EXOC6: variants seen among roughly 807,000 people sequenced by gnomAD.
EXOC6 encodes the protein exocyst complex component 6, also known as SEC15-like 1.
In EXOC6, 60 loss-of-function variants were observed where a neutral mutation model predicts 112.5. That is an observed-to-expected ratio of 0.53 (90% CI 0.43 to 0.66). EXOC6 has a LOEUF of 0.66. EXOC6 is among the 30% of genes least tolerant of loss of function. The probability of loss-of-function intolerance (pLI) is 0.00; values close to 1 mark genes in which losing one functional copy is unlikely to be tolerated. For synonymous variants in EXOC6, 295 were observed against 308.0 expected (o/e 0.96, Z 0.44); for missense variants, 855 against 957.1 (o/e 0.89, Z 1.41).
chr10:92,892,818 T>A (rs1475825252), intron 1 of EXOC6, among the ~76,000 whole-genome samples: 1 of 152,216 alleles, frequency 6.6e-6, no homozygotes, highest in Non-Finnish European at 1.5e-5. Context: ...GGAGCCGGAC[T>A]ATCAGGAGTC....
intron 18 of EXOC6, among the ~76,000 whole-genome samples, chr10:92,990,690 G>A (rs1372124028): frequency 6.6e-6 from 1 of 152,088 alleles, no homozygotes; most frequent in African/African-American, 2.4e-5. Context: ...GTAAACATGT[G>A]CCATGGTGGT....
At chr10:92,956,832 T>A (rs949417257) in intron 17 of EXOC6, among the ~76,000 whole-genome samples, 4 of 152,162 alleles carry the variant, frequency 2.6e-5, no homozygotes, top group African/African-American at 9.6e-5. Flanking sequence ...AGTTCTTTAA[T>A]GTAAATGATT....
intron 1 of EXOC6, among the ~76,000 whole-genome samples, chr10:92,835,598 G>C (rs117099008): frequency 2.4e-5 from 2 of 81,988 alleles, no homozygotes; most frequent in South Asian, 5.9e-4. Context: ...GTGTGTATCT[G>C]TGTGTGTGTG....
chr10:92,881,393 A>G (rs897179232), intron 1 of EXOC6, among the ~76,000 whole-genome samples: 4 of 152,178 alleles, frequency 2.6e-5, no homozygotes, highest in African/African-American at 7.2e-5. Context: ...AAGATGTGCA[A>G]AGAATTTTGG....
At chr10:92,934,217 T>C (rs1428433511) in intron 10 of EXOC6, 27 bp downstream of exon 10, 7 of 1,516,654 alleles carry the variant, frequency 4.6e-6, no homozygotes, top group Non-Finnish European at 6.2e-6. Flanking sequence ...GAAATAACTA[T>C]TATTAATTTT....
At chr10:92,934,228 A>T in intron 10 of EXOC6, 38 bp downstream of exon 10, 3 of 1,522,902 alleles carry the variant, frequency 2.0e-6, no homozygotes, top group Non-Finnish European at 2.7e-6. Flanking sequence ...TATTAATTTT[A>T]TATTATGTTA....
intron 20 of EXOC6, among the ~76,000 whole-genome samples, chr10:93,016,842 C>T (rs183433282): frequency 6.7e-6 from 1 of 149,568 alleles, no homozygotes; most frequent in East Asian, 2.0e-4. Flanking sequence ...GATGGCGTCT[C>T]GCTCTTGTCA....
At chr10:92,877,353 ACCTGGCTCTGG>A in intron 1 of EXOC6, among the ~76,000 whole-genome samples, 1 of 152,050 alleles carries the variant, frequency 6.6e-6, no homozygotes, top group Middle Eastern at 3.4e-3. Context: ...TGGATTGTCT[ACCTGGCTCTGG>A]CCTTTTAGAA....
intron 18 of EXOC6, among the ~76,000 whole-genome samples, chr10:92,993,271 AG>A (rs1843345771): frequency 6.6e-6 from 1 of 152,148 alleles, no homozygotes; most frequent in Non-Finnish European, 1.5e-5. Flanking sequence ...TAAGTAAAAA[AG>A]TAGTTTATTG....
chr10:93,055,801 G>C (rs1423480113), intron 20 of EXOC6, among the ~76,000 whole-genome samples: 1 of 152,182 alleles, frequency 6.6e-6, no homozygotes, highest in Non-Finnish European at 1.5e-5. Context: ...CCTGTTGCAA[G>C]AAAATCTCTA....
intron 5 of EXOC6, among the ~76,000 whole-genome samples, chr10:92,904,916 T>TA (rs1850361243): frequency 6.6e-6 from 1 of 152,076 alleles, no homozygotes; most frequent in Non-Finnish European, 1.5e-5. Flanking sequence ...TCTAGAGTCT[T>TA]AGAGTTTTGT....
At chr10:92,991,300 G>A (rs1843234589) in intron 18 of EXOC6, among the ~76,000 whole-genome samples, 1 of 151,674 alleles carries the variant, frequency 6.6e-6, no homozygotes, top group African/African-American at 2.4e-5. Context: ...GCCGGGCATG[G>A]TCCCTCACGC....
chr10:93,031,325 C>T (rs1395548814), intron 20 of EXOC6, among the ~76,000 whole-genome samples: 1 of 152,030 alleles, frequency 6.6e-6, no homozygotes, highest in Non-Finnish European at 1.5e-5. Flanking sequence ...AGATTCTCTG[C>T]CTCCAGGAGT....
chr10:92,935,692 CTTA>C (rs775383873), intron 11 of EXOC6, 119 bp from the exon 12 acceptor site: 4 of 746,336 alleles, frequency 5.4e-6, no homozygotes, highest in Non-Finnish European at 8.8e-6. Context: ...AAATTTTAAA[CTTA>C]TTATAAGTCT....
intron 18 of EXOC6, among the ~76,000 whole-genome samples, chr10:92,977,884 A>G (rs1367534051): frequency 1.3e-5 from 2 of 152,166 alleles, no homozygotes; most frequent in African/African-American, 4.8e-5. Flanking sequence ...TTTTCATAAG[A>G]CATACTCTGG....
At chr10:92,962,367 T>C (rs1482856277) in intron 17 of EXOC6, among the ~76,000 whole-genome samples, 3 of 152,018 alleles carry the variant, frequency 2.0e-5, no homozygotes, top group African/African-American at 4.8e-5. Flanking sequence ...TATAATGTAA[T>C]GTAAAAATGT....
chr10:92,977,127 CAG>C (rs1233568410), intron 18 of EXOC6, among the ~76,000 whole-genome samples: 1 of 152,048 alleles, frequency 6.6e-6, no homozygotes, highest in Admixed American at 6.5e-5. Context: ...TGTGAAAAAT[CAG>C]ATCTTGGAGA....
chr10:92,919,947 A>G (rs1714323361), intron 7 of EXOC6, 35 bp from the exon 8 acceptor site: 32 of 1,348,256 alleles, frequency 2.4e-5, no homozygotes, highest in Non-Finnish European at 3.1e-5. Context: ...TAATAGTTTG[A>G]CCTATAATTT....
chr10:92,887,589 AG>A (rs1849290837), intron 1 of EXOC6, among the ~76,000 whole-genome samples: 1 of 151,474 alleles, frequency 6.6e-6, no homozygotes, highest in Non-Finnish European at 1.5e-5. Context: ...TGGTAGAGAC[AG>A]GGTTTCTACC....
Sources: allele counts gnomAD v4.1 joint callset (sites outside exome capture counted in the v4.1 genomes callset), GRCh38; gene constraint gnomAD v4.1.1; transcripts MANE v1.5; gene names NCBI Gene and HGNC (gene_info 2026-07-23, HGNC 2026-07-21).